Variants in ZFP1 observed in about 807,000 individuals in gnomAD.
ZFP1 encodes the protein zinc finger protein 1 homolog.
A neutral mutation model predicts 38.5 loss-of-function variants in ZFP1; 32 were observed. The observed-to-expected ratio is 0.83, with a 90% confidence interval of 0.63 to 1.12. The LOEUF (loss-of-function observed/expected upper bound fraction) is 1.12, where lower values mean the gene tolerates loss of function less well. ZFP1 is among the 50% of genes most tolerant of loss of function. The probability of loss-of-function intolerance (pLI) is 0.00; values close to 1 mark genes in which losing one functional copy is unlikely to be tolerated. For missense variants in ZFP1, 616 were observed against 480.8 expected (o/e 1.28, Z -2.63); for synonymous variants, 245 against 168.8 (o/e 1.45, Z -3.50).
At chr16:75,139,385 A>AAAAAAAC in the ZFP1 span, among the ~76,000 whole-genome samples, 2 of 146,754 alleles carry the variant, frequency 1.4e-5, no homozygotes, top group African/African-American at 2.6e-5. Context: ...AAAAAAAAAA[A>AAAAAAAC]AAAAAAAAAA....
At position 75,169,488 on chromosome 16, in the gene ZFP1, T is replaced by C. The variant is rs754187209; in HGVS notation, c.378T>C (p.Tyr126=). 4.3e-6 allele frequency: 7 copies of C among 1,612,860 alleles called. No individual in the cohort carries two copies. The African/African-American group carries it at 9.4e-5, about 22-fold the overall frequency. Residue 126 remains tyrosine, a synonymous_variant, in exon 4 of 4, where the codon TAT becomes TAC. Transcript: ENST00000570010. The part of the protein sequence containing the change: ...NSDLLNSNRS[Y]AGKQTDECNE... ...ACTTGCTTAATAGTAATAGAAGCTA[T>C]GCAGGAAAGCAGACTGATGAGTGTA...
intron 2 of ZFP1, among the ~76,000 whole-genome samples, chr16:75,161,705 A>G (rs1487590711): frequency 7.2e-6 from 1 of 138,508 alleles, no homozygotes; most frequent in Non-Finnish European, 1.5e-5. Flanking sequence ...ATGGTAGATT[A>G]TAAGATTTCT....
At chr16:75,162,731 T>C (rs916008183) in intron 2 of ZFP1, among the ~76,000 whole-genome samples, 1 of 152,132 alleles carries the variant, frequency 6.6e-6, no homozygotes, top group African/African-American at 2.4e-5. Flanking sequence ...ACCCAGAGTT[T>C]AGCTCCCACT....
At chr16:75,121,881 G>A in the ZFP1 span, among the ~76,000 whole-genome samples, 3 of 152,170 alleles carry the variant, frequency 2.0e-5, no homozygotes, top group Non-Finnish European at 2.9e-5. Flanking sequence ...AATGTCTGAA[G>A]AATTGCCAGC....
chr16:75,170,169 A>G lies in ZFP1; in HGVS notation c.1059A>G (p.Glu353=). 2 of 1,614,184 alleles carry G rather than the reference A, an allele frequency of 1.2e-6. No homozygotes were observed. The part of the protein sequence containing the change: ...MRTHTGEKPY[E]CTECGKTFSQ... ...CTCATACAGGAGAGAAACCCTATGAATGTACTGAGTGCGGCAAAACTTTCA... is the reference window on the plus strand; with the variant it reads ...CTCATACAGGAGAGAAACCCTATGAGTGTACTGAGTGCGGCAAAACTTTCA... Residue 353 remains glutamate (E), a synonymous_variant, in exon 4 of 4, where the codon GAA becomes GAG. Coordinates refer to ENST00000570010, the MANE Select transcript of ZFP1 (RefSeq NM_153688.4).
upstream of ZFP1, among the ~76,000 whole-genome samples, chr16:75,143,869 G>C (rs1189974032): frequency 1.3e-5 from 2 of 151,640 alleles, no homozygotes; most frequent in African/African-American, 2.4e-5. Context: ...CCCCAGGCTT[G>C]TCTCAAACTC....
At chr16:75,161,819 T>A (rs2037805966) in intron 2 of ZFP1, among the ~76,000 whole-genome samples, 1 of 126,632 alleles carries the variant, frequency 7.9e-6, no homozygotes, top group African/African-American at 3.0e-5. Flanking sequence ...GGAGTCTCAC[T>A]TGTCATCCAG....
chr16:75,119,322 G>A, the ZFP1 span, among the ~76,000 whole-genome samples: 6 of 152,158 alleles, frequency 3.9e-5, no homozygotes, highest in South Asian at 2.1e-4. Context: ...GCTGAGGCCC[G>A]GAAGCACACC....
chr16:75,139,327 C>G, the ZFP1 span, among the ~76,000 whole-genome samples: 1 of 135,480 alleles, frequency 7.4e-6, no homozygotes, highest in South Asian at 2.4e-4. Context: ...CGAGGTTGCG[C>G]CACTGCACTC....
intron 2 of ZFP1, among the ~76,000 whole-genome samples, chr16:75,154,681 G>T (rs1310196147): frequency 6.6e-6 from 1 of 151,980 alleles, no homozygotes; most frequent in Admixed American, 6.5e-5. Flanking sequence ...AGAGGGAGGG[G>T]GGCTCCAAAG....
At chr16:75,165,243 G>A (rs190702151) in intron 2 of ZFP1, among the ~76,000 whole-genome samples, 5 of 152,148 alleles carry the variant, frequency 3.3e-5, no homozygotes. Flanking sequence ...AATCTAGTTA[G>A]TTACTTACTT....
chr16:75,169,831 G>C lies in ZFP1; in HGVS notation c.721G>C (p.Glu241Gln), dbSNP rs772688782. Residue 241 changes from glutamate to glutamine, a missense_variant, in exon 4 of 4, where the codon GAG (glutamate) becomes CAG (glutamine). Glu to Gln is a conservative substitution (Grantham distance 29, BLOSUM62 2). Coordinates refer to ENST00000570010, the MANE Select transcript of ZFP1 (RefSeq NM_153688.4). The part of the protein sequence containing the change: ...QRIHTGEKPF[E>Q]CPECGKAFTH... ...AATTCACACTGGGGAGAAACCTTTCGAGTGTCCGGAATGTGGAAAAGCTTT... is the reference window on the plus strand; with the variant it reads ...AATTCACACTGGGGAGAAACCTTTCCAGTGTCCGGAATGTGGAAAAGCTTT... 3.1e-6 allele frequency: 5 copies of C among 1,613,980 alleles called. No homozygotes were observed. Among genetic ancestry groups the C allele is most frequent in the Non-Finnish European group, 3.4e-6 (4 of 1,180,012 alleles).
chr16:75,128,292 A>C, the ZFP1 span, among the ~76,000 whole-genome samples: 1 of 152,232 alleles, frequency 6.6e-6, no homozygotes, highest in Non-Finnish European at 1.5e-5. Context: ...GTACAAATTC[A>C]TGGCTGGGCT....
the ZFP1 span, among the ~76,000 whole-genome samples, chr16:75,129,005 G>A: frequency 0.38 from 57,391 of 151,874 alleles, 12,109 homozygotes; most frequent in Middle Eastern, 0.55. Flanking sequence ...GGTCAGGCTG[G>A]TCTCAAACTC....
chr16:75,144,602 C>G (rs1040381268), upstream of ZFP1, among the ~76,000 whole-genome samples: 1 of 152,150 alleles, frequency 6.6e-6, no homozygotes, highest in Admixed American at 6.6e-5. Flanking sequence ...GATGTGTACA[C>G]TCACATCACA....
At chr16:75,145,579 A>AGCAGAGGG (rs1349500298), upstream of ZFP1, among the ~76,000 whole-genome samples, 1 of 152,210 alleles carries the variant, frequency 6.6e-6, no homozygotes, top group African/African-American at 2.4e-5. Context: ...ACAGAAGAGC[A>AGCAGAGGG]GCAGAGGGGC....
At chr16:75,146,965 CAGGGTAACTTG>C (rs1452450113), upstream of ZFP1, among the ~76,000 whole-genome samples, 10 of 125,348 alleles carry the variant, frequency 8.0e-5, no homozygotes, top group Non-Finnish European at 1.4e-4. Context: ...AAAAAAAAGC[CAGGGTAACTTG>C]AGGGAAACAT....
In ZFP1 at chr16:75,170,042, T is replaced by A. The variant is rs1404299500; in HGVS notation, c.932T>A (p.Leu311His). Residue 311 changes from leucine (L) to histidine (H), a missense_variant, in exon 4 of 4, where the codon CTT becomes CAT. By Grantham distance (99) the Leu-to-His change is moderately conservative. Transcript: ENST00000570010. ...AAAACCTTCTTTAAGAAGTCAAACC[T>A]TATCATACATCAGAAGATTCACACG... ...CAKTFFKKSNLIIHQKIHTGE... is the reference protein window; with the variant it reads ...CAKTFFKKSNHIIHQKIHTGE... 6.2e-7 allele frequency: 1 copy of A among 1,614,142 alleles called. No individual in the cohort carries two copies. Among genetic ancestry groups the A allele is most frequent in the Non-Finnish European group, 8.5e-7 (1 of 1,180,036 alleles).
intron 2 of ZFP1, 96 bp downstream of exon 2, chr16:75,153,062 C>T: frequency 1.3e-6 from 2 of 1,481,644 alleles, no homozygotes; most frequent in South Asian, 2.5e-5. Flanking sequence ...GAATAAGACA[C>T]AAAGGAAACA....
Sources: allele counts gnomAD v4.1 joint callset (sites outside exome capture counted in the v4.1 genomes callset), GRCh38; gene constraint gnomAD v4.1.1; transcripts MANE v1.5; gene names NCBI Gene and HGNC (gene_info 2026-07-23, HGNC 2026-07-21).